MITF: variants seen among roughly 807,000 people sequenced by gnomAD.
MITF encodes microphthalmia-associated transcription factor.
Under a neutral mutation model 60.5 loss-of-function variants are expected in MITF, and 17 were observed. That is an observed-to-expected ratio of 0.28 (90% CI 0.19 to 0.42). MITF has a LOEUF of 0.42. Ranked by LOEUF, MITF falls within the 10% of genes least tolerant of loss-of-function variation. The probability of loss-of-function intolerance (pLI) is 1.00; values close to 1 mark genes in which losing one functional copy is unlikely to be tolerated. For synonymous variants in MITF, 260 were observed against 248.5 expected, an observed-to-expected ratio of 1.05 and a Z score of -0.43; for missense variants, 622 against 683.5, an observed-to-expected ratio of 0.91 and a Z score of 1.00.
chr3:69,829,614 C>T (rs2063412344), intron 1 of MITF, among the ~76,000 whole-genome samples: 1 of 151,708 alleles, frequency 6.6e-6, no homozygotes, highest in African/African-American at 2.4e-5. Flanking sequence ...TTTATTTTAG[C>T]TAATATGAAA....
chr3:69,955,857 TATATACA>T (rs764537026), intron 7 of MITF, among the ~76,000 whole-genome samples: 3 of 152,134 alleles, frequency 2.0e-5, no homozygotes, highest in Non-Finnish European at 2.9e-5. Context: ...ACATGAAAAG[TATATACA>T]ACGCAAATTT....
rs2066112387 is a variant in MITF at position 69,946,951 on chromosome 3, G to A, written c.763-2100G>A. 2.0e-5 allele frequency among the ~76,000 whole-genome samples: 3 copies of A among 152,090 alleles called. No individual in the cohort carries two copies. In the South Asian group the frequency reaches 6.2e-4, roughly 32 times the overall value. On this transcript the variant is annotated intron_variant, in intron 5 of 9. Transcript: ENST00000352241. ...CCTGTCCATCTCGCTGTCTATGGCA[G>A]AAAGCATTCTCTCTCTCAGTCATGT... is the stretch of plus-strand genomic sequence containing the variant.
chr3:69,785,650 A>G (rs2062636615), intron 1 of MITF, among the ~76,000 whole-genome samples: 1 of 152,166 alleles, frequency 6.6e-6, no homozygotes, highest in African/African-American at 2.4e-5. Context: ...TTGCTTAGTA[A>G]TTTAGGCTCC....
intron 1 of MITF, among the ~76,000 whole-genome samples, chr3:69,869,100 TGCACC>T (rs1247895266): frequency 6.6e-6 from 1 of 152,090 alleles, no homozygotes; most frequent in Non-Finnish European, 1.5e-5. Flanking sequence ...TGAATAAGGG[TGCACC>T]AACTCTAAGG....
intron 1 of MITF, among the ~76,000 whole-genome samples, chr3:69,788,047 C>G (rs2062679019): frequency 6.6e-6 from 1 of 151,672 alleles, no homozygotes; most frequent in African/African-American, 2.4e-5. Flanking sequence ...CACAAGGCTG[C>G]ATAGACAGGC....
intron 2 of MITF, among the ~76,000 whole-genome samples, chr3:69,913,668 C>A (rs1408261385): frequency 6.6e-6 from 1 of 152,146 alleles, no homozygotes; most frequent in African/African-American, 2.4e-5. Flanking sequence ...AATAGCACAG[C>A]TCATTGGACA....
intron 2 of MITF, among the ~76,000 whole-genome samples, chr3:69,886,669 T>C (rs899111139): frequency 3.3e-5 from 5 of 152,124 alleles, no homozygotes; most frequent in Non-Finnish European, 5.9e-5. Context: ...GGCTTCCCTA[T>C]TGAATAGTTA....
intron 1 of MITF, among the ~76,000 whole-genome samples, chr3:69,788,764 A>T (rs1487223446): frequency 6.6e-6 from 1 of 152,212 alleles, no homozygotes; most frequent in Non-Finnish European, 1.5e-5. Context: ...AGACCAATGT[A>T]ATAGAATAGA....
At chr3:69,791,571 T>C (rs2062740512) in intron 1 of MITF, among the ~76,000 whole-genome samples, 1 of 152,206 alleles carries the variant, frequency 6.6e-6, no homozygotes, top group African/African-American at 2.4e-5. Context: ...GACCTCTTCA[T>C]GGCAAGTTAA....
chr3:69,799,956 A>G (rs1457590462), intron 1 of MITF, among the ~76,000 whole-genome samples: 1 of 152,210 alleles, frequency 6.6e-6, no homozygotes, highest in African/African-American at 2.4e-5. Context: ...TTTTAAATTG[A>G]GATGTAATTC....
rs149083441 is a variant in MITF, at chr3:69,747,940, A to G, written c.104+8239A>G. On this transcript the variant is annotated intron_variant, in intron 1 of 9. Coordinates refer to ENST00000352241, the MANE Select transcript of MITF (RefSeq NM_001354604.2). ...GATTAAAAAGGAAAGCCTGAGATTG[A>G]TTTCACAAAACATACACGCCTACCA... is the stretch of plus-strand genomic sequence containing the variant. 2.8e-3 allele frequency among the ~76,000 whole-genome samples: 431 copies of G among 152,306 alleles called. 4 individuals carry two copies. The highest frequency in any genetic ancestry group is 9.9e-3 in the African/African-American group (410 of 41,572).
intron 5 of MITF, among the ~76,000 whole-genome samples, chr3:69,947,648 C>T (rs776681418): frequency 2.6e-5 from 4 of 152,092 alleles, no homozygotes; most frequent in East Asian, 1.9e-4. Flanking sequence ...ATACTATAAA[C>T]GCTGCTTTCA....
chr3:69,939,676 G>A (rs1349566572), intron 4 of MITF, among the ~76,000 whole-genome samples: 2 of 152,012 alleles, frequency 1.3e-5, no homozygotes, highest in Non-Finnish European at 2.9e-5. Flanking sequence ...TATAAATTAT[G>A]CTATATCTAT....
chr3:69,938,787 T>A, intron 3 of MITF: 1 of 1,366,262 alleles, frequency 7.3e-7, no homozygotes, highest in Non-Finnish European at 9.4e-7. Context: ...TACCGTACTA[T>A]GGACTATGAA....
chr3:69,855,260 C>CAAAAAAAA (rs33962275), intron 1 of MITF, among the ~76,000 whole-genome samples: 6 of 84,602 alleles, frequency 7.1e-5, no homozygotes, highest in African/African-American at 8.9e-5. Context: ...TTCCCATAAG[C>CAAAAAAAA]AAAAAAAAAA....
chr3:69,948,999 A>G, intron 5 of MITF, 52 bp from the exon 6 acceptor site: 2 of 1,321,748 alleles, frequency 1.5e-6, no homozygotes, highest in Non-Finnish European at 2.2e-6. Flanking sequence ...TATCTGAAAA[A>G]ACATGGGAAT....
chr3:69,961,279 A>G (rs911555330), intron 9 of MITF, among the ~76,000 whole-genome samples: 1 of 151,896 alleles, frequency 6.6e-6, no homozygotes, highest in Non-Finnish European at 1.5e-5. Flanking sequence ...GCTACTCGTG[A>G]GGCTGAGGCA....
At position 69,953,187 on chromosome 3, in the gene MITF, C is replaced by G. The variant is rs530850929; in HGVS notation, c.955+1301C>G. Among the ~76,000 whole-genome samples, 9 of 152,262 alleles carry G rather than the reference C, an allele frequency of 5.9e-5. No homozygotes were observed. The South Asian group carries it at 1.9e-3, about 32-fold the overall frequency. On this transcript the variant is annotated intron_variant, in intron 7 of 9. Transcript: ENST00000352241. ...GATAAACTATTATCTCCAAGGCCTC[C>G]TCCAGCTTCTAAGTAATTTTACCCT...
chr3:69,938,798 G>A, intron 3 of MITF: 1 of 1,379,128 alleles, frequency 7.3e-7, no homozygotes, highest in Non-Finnish European at 9.4e-7. Flanking sequence ...GGACTATGAA[G>A]TGTTTATGCA....
Sources: gnomAD v4.1 joint callset for allele counts (sites outside exome capture counted in the v4.1 genomes callset) on GRCh38, gnomAD v4.1.1 for gene constraint, MANE v1.5 for transcripts, NCBI Gene and HGNC (gene_info 2026-07-23, HGNC 2026-07-21) for gene names.